The following PRIM2 variants were observed in gnomAD, a reference collection of about 807,000 sequenced individuals.
PRIM2 encodes the protein DNA primase large subunit.
A neutral mutation model predicts 67.3 loss-of-function variants in PRIM2; 39 were observed. The ratio of observed to expected loss-of-function variants is 0.58; its 90% CI spans 0.45 to 0.76. The LOEUF (loss-of-function observed/expected upper bound fraction) is 0.76, where lower values mean the gene tolerates loss of function less well. PRIM2 is among the 30% of genes least tolerant of loss of function. The pLI, the probability that PRIM2 is intolerant of heterozygous loss-of-function variation, is 0.00. For synonymous variants in PRIM2, 143 were observed against 198.7 expected (o/e 0.72, Z 2.36); for missense variants, 398 against 598.7 (o/e 0.66, Z 3.50).
At chr6:57,231,635 G>A in the PRIM2 span, among the ~76,000 whole-genome samples, 1 of 152,142 alleles carries the variant, frequency 6.6e-6, no homozygotes, top group Non-Finnish European at 1.5e-5. Flanking sequence ...TTTTCCTTGT[G>A]TCTGATTGAC....
chr6:57,383,720 A>G (rs1364672362), intron 7 of PRIM2: 1 of 152,212 alleles, frequency 6.6e-6, no homozygotes, highest in Admixed American at 6.5e-5. Flanking sequence ...AATTTGCTGC[A>G]TAGACATGTA....
intron 13 of PRIM2, among the ~76,000 whole-genome samples, chr6:57,642,125 A>C (rs1777248034): frequency 6.6e-6 from 1 of 152,118 alleles, no homozygotes; most frequent in South Asian, 2.1e-4. Context: ...GCAAACTAAC[A>C]CAAGAACAGA....
intron 10 of PRIM2, among the ~76,000 whole-genome samples, chr6:57,588,541 C>G (rs1368819846): frequency 6.6e-6 from 1 of 151,590 alleles, no homozygotes; most frequent in Non-Finnish European, 1.5e-5. Context: ...GTTTTTCCCT[C>G]CTCTTGAGCA....
intron 7 of PRIM2, among the ~76,000 whole-genome samples, chr6:57,419,743 T>A (rs1191543624): frequency 2.0e-5 from 3 of 152,162 alleles, no homozygotes; most frequent in Admixed American, 1.3e-4. Flanking sequence ...TAACCCTCGG[T>A]TTTTGAATAA....
At chr6:57,578,234 C>A (rs1271551396) in intron 10 of PRIM2, among the ~76,000 whole-genome samples, 1 of 152,138 alleles carries the variant, frequency 6.6e-6, no homozygotes, top group Non-Finnish European at 1.5e-5. Flanking sequence ...GTGATATTAA[C>A]CTTGATCACT....
intron 8 of PRIM2, among the ~76,000 whole-genome samples, chr6:57,520,310 G>A (rs1349874615): frequency 2.0e-5 from 3 of 152,132 alleles, no homozygotes; most frequent in Admixed American, 6.5e-5. Flanking sequence ...GGAAGATGTT[G>A]TCCATCATTT....
intron 10 of PRIM2, among the ~76,000 whole-genome samples, chr6:57,563,088 A>G (rs1775669818): frequency 6.6e-6 from 1 of 152,102 alleles, no homozygotes; most frequent in Non-Finnish European, 1.5e-5. Flanking sequence ...TTCATGTCCC[A>G]CGTCTTGAGA....
At chr6:57,321,485 G>C (rs1767654222) in intron 3 of PRIM2, among the ~76,000 whole-genome samples, 2 of 152,184 alleles carry the variant, frequency 1.3e-5, no homozygotes, top group South Asian at 4.2e-4. Context: ...ATTTGAGTGA[G>C]AAGAGATGAC....
intron 5 of PRIM2, among the ~76,000 whole-genome samples, chr6:57,342,045 T>C (rs1162998692): frequency 6.6e-6 from 1 of 152,234 alleles, no homozygotes; most frequent in Admixed American, 6.5e-5. Flanking sequence ...TGCAGTGTTA[T>C]ACCTGAGTTG....
intron 5 of PRIM2, among the ~76,000 whole-genome samples, chr6:57,369,980 A>G (rs4715670): frequency 8.9e-4 from 136 of 152,298 alleles, no homozygotes; most frequent in Middle Eastern, 3.4e-3. Flanking sequence ...CACACTTTAC[A>G]TACTTTATTT....
At chr6:57,557,106 T>C (rs1428498249) in intron 10 of PRIM2, among the ~76,000 whole-genome samples, 12 of 131,280 alleles carry the variant, frequency 9.1e-5, no homozygotes, top group African/African-American at 3.5e-4. Flanking sequence ...ATGGCTATTA[T>C]TAAAAAGTCA....
intron 7 of PRIM2, among the ~76,000 whole-genome samples, chr6:57,428,918 T>G (rs1771725139): frequency 6.6e-6 from 1 of 152,220 alleles, no homozygotes; most frequent in Non-Finnish European, 1.5e-5. Flanking sequence ...ATATGTATTC[T>G]ATGAACCTTT....
At chr6:57,445,987 C>G (rs1332294697) in intron 7 of PRIM2, among the ~76,000 whole-genome samples, 2 of 152,230 alleles carry the variant, frequency 1.3e-5, no homozygotes, top group Non-Finnish European at 2.9e-5. Context: ...GCATTTATTT[C>G]TGTTGGTGGA....
intron 5 of PRIM2, among the ~76,000 whole-genome samples, chr6:57,331,485 G>T (rs1202039572): frequency 6.6e-6 from 1 of 152,136 alleles, no homozygotes; most frequent in Admixed American, 6.5e-5. Flanking sequence ...TGAAGGATTG[G>T]TTTAAATGTT....
At chr6:57,453,062 T>C (rs187651028) in intron 7 of PRIM2, among the ~76,000 whole-genome samples, 5,042 of 152,284 alleles carry the variant, frequency 0.033, 280 homozygotes, top group African/African-American at 0.11. Context: ...CCATTTCTTG[T>C]TTTTATCAGG....
At chr6:57,381,861 A>G (rs1769969003) in intron 6 of PRIM2, 170 bp from the exon 7 acceptor site, 2 of 314,210 alleles carry the variant, frequency 6.4e-6, no homozygotes, top group Non-Finnish European at 9.2e-6. Flanking sequence ...TTGTACTGCC[A>G]CTGTTTGCTA....
the PRIM2 span, among the ~76,000 whole-genome samples, chr6:57,278,906 GT>G: frequency 6.6e-6 from 1 of 152,188 alleles, no homozygotes; most frequent in Admixed American, 6.5e-5. Flanking sequence ...CTGTGGAACA[GT>G]TTTTTCCTAT....
At chr6:57,343,599 G>A (rs913445254) in intron 5 of PRIM2, among the ~76,000 whole-genome samples, 3 of 152,144 alleles carry the variant, frequency 2.0e-5, no homozygotes, top group Non-Finnish European at 4.4e-5. Flanking sequence ...CTTTTCACAG[G>A]GCTTCTGGCA....
chr6:57,317,878 T>C (rs1226747559), intron 1 of PRIM2, among the ~76,000 whole-genome samples, 177 bp downstream of exon 1: 1 of 151,830 alleles, frequency 6.6e-6, no homozygotes, highest in East Asian at 1.9e-4. Context: ...GAGAGATAGG[T>C]TTGCCAGTGG....
Sources: allele counts gnomAD v4.1 joint callset (sites outside exome capture counted in the v4.1 genomes callset), GRCh38; gene constraint gnomAD v4.1.1; transcripts MANE v1.5; gene names NCBI Gene and HGNC (gene_info 2026-07-23, HGNC 2026-07-21).